ZNF609: variants seen among roughly 807,000 people sequenced by gnomAD.
The protein encoded by ZNF609 is zinc finger protein 609.
In ZNF609, 11 loss-of-function variants were observed where a neutral mutation model predicts 109.5. The observed-to-expected ratio is 0.10, with a 90% CI of 0.06 to 0.17. The LOEUF (loss-of-function observed/expected upper bound fraction) is 0.17, where lower values mean the gene tolerates loss of function less well. Ranked by LOEUF, ZNF609 falls within the 10% of genes least tolerant of loss-of-function variation. The pLI is 1.00. For missense variants in ZNF609, 1,559 were observed against 1,772.4 expected (o/e 0.88, Z 2.16); for synonymous variants, 646 against 662.0 (o/e 0.98, Z 0.37).
chr15:64,555,721 A>G, intron 2 of ZNF609, among the ~76,000 whole-genome samples: 1 of 151,958 alleles, frequency 6.6e-6, no homozygotes. Flanking sequence ...GTCTCTACTA[A>G]GAATACAAAA....
chr15:64,479,355 A>C (rs1304358783), intron 1 of ZNF609, among the ~76,000 whole-genome samples: 2 of 130,588 alleles, frequency 1.5e-5, no homozygotes, highest in African/African-American at 3.0e-5. Context: ...GCAGTGGCGC[A>C]ATCTCGGCTC....
upstream of ZNF609, among the ~76,000 whole-genome samples, chr15:64,460,275 A>G (rs934574672): frequency 2.6e-5 from 4 of 152,096 alleles, no homozygotes; most frequent in Middle Eastern, 3.2e-3. Flanking sequence ...CCTCTCTATG[A>G]GGAAGTCTGA....
At chr15:64,569,288 A>G (rs981754477) in intron 2 of ZNF609, among the ~76,000 whole-genome samples, 1 of 152,152 alleles carries the variant, frequency 6.6e-6, no homozygotes, top group South Asian at 2.1e-4. Context: ...CTCCTCTATT[A>G]TATAAGAGTA....
chr15:64,676,892 T>C (rs1896817746), intron 5 of ZNF609, among the ~76,000 whole-genome samples: 1 of 151,928 alleles, frequency 6.6e-6, no homozygotes, highest in Non-Finnish European at 1.5e-5. Flanking sequence ...TAGCTGGGAT[T>C]ACAGGTGCAC....
chr15:64,489,407 C>G (rs1435649820), intron 1 of ZNF609, among the ~76,000 whole-genome samples: 1 of 151,720 alleles, frequency 6.6e-6, no homozygotes, highest in East Asian at 1.9e-4. Flanking sequence ...GTCTTGAACT[C>G]CTGACCTTGT....
chr15:64,601,954 G>A (rs745951997), intron 2 of ZNF609, among the ~76,000 whole-genome samples: 28 of 152,260 alleles, frequency 1.8e-4, no homozygotes, highest in Middle Eastern at 6.8e-3. Flanking sequence ...TAATAACTAG[G>A]TAATTGCAGG....
chr15:64,547,733 G>T (rs1301670815), intron 2 of ZNF609, among the ~76,000 whole-genome samples: 1 of 151,528 alleles, frequency 6.6e-6, no homozygotes. Context: ...ATACATCAGT[G>T]AACAAAACAG....
At chr15:64,615,034 G>A (rs941938887) in intron 2 of ZNF609, among the ~76,000 whole-genome samples, 3 of 151,956 alleles carry the variant, frequency 2.0e-5, no homozygotes, top group Non-Finnish European at 4.4e-5. Context: ...GGCCAGGCTC[G>A]TCTCAAACTC....
intron 2 of ZNF609, among the ~76,000 whole-genome samples, chr15:64,554,885 T>A (rs997974298): frequency 2.7e-5 from 4 of 150,896 alleles, no homozygotes; most frequent in South Asian, 2.1e-4. Context: ...TCACCTGAGG[T>A]CAGGAGTTCA....
intron 3 of ZNF609, among the ~76,000 whole-genome samples, chr15:64,666,903 C>T (rs981827204): frequency 4.6e-5 from 7 of 151,762 alleles, no homozygotes; most frequent in South Asian, 2.1e-4. Context: ...CCGAGGCGGG[C>T]GGATCATGAG....
At chr15:64,604,038 AC>A (rs967425449) in intron 2 of ZNF609, among the ~76,000 whole-genome samples, 1 of 148,728 alleles carries the variant, frequency 6.7e-6, no homozygotes, top group Admixed American at 6.7e-5. Context: ...CTGAAATGTC[AC>A]CTGCCTCTCC....
At chr15:64,553,301 A>G (rs1014249329) in intron 2 of ZNF609, among the ~76,000 whole-genome samples, 6 of 150,588 alleles carry the variant, frequency 4.0e-5, no homozygotes, top group African/African-American at 9.8e-5. Flanking sequence ...TGGGACTTTA[A>G]TTGGAATTGC....
chr15:64,633,871 A>C (rs1182759643), intron 3 of ZNF609, among the ~76,000 whole-genome samples: 1 of 150,656 alleles, frequency 6.6e-6, no homozygotes, highest in African/African-American at 2.4e-5. Flanking sequence ...ACAGAGTGAG[A>C]CTCCATCTCA....
chr15:64,469,404 C>T (rs1007596795), intron 1 of ZNF609, among the ~76,000 whole-genome samples: 2 of 129,418 alleles, frequency 1.5e-5, no homozygotes, highest in Non-Finnish European at 3.1e-5. Flanking sequence ...AGCCTTCACT[C>T]GCACAGAGCA....
chr15:64,591,724 AT>A (rs771812223), intron 2 of ZNF609, among the ~76,000 whole-genome samples: 262 of 142,440 alleles, frequency 1.8e-3, no homozygotes, highest in South Asian at 1.6e-3. Context: ...ACTAAAAATA[AT>A]TTTTTTTTTT....
At chr15:64,598,589 T>G (rs1895437566) in intron 2 of ZNF609, among the ~76,000 whole-genome samples, 1 of 151,556 alleles carries the variant, frequency 6.6e-6, no homozygotes, top group South Asian at 2.1e-4. Context: ...TTCCTTTAAT[T>G]CACTAAAAAA....
At chr15:64,471,916 G>GTTTTT (rs898245284) in intron 1 of ZNF609, among the ~76,000 whole-genome samples, 1 of 148,076 alleles carries the variant, frequency 6.8e-6, no homozygotes, top group Non-Finnish European at 1.5e-5. Flanking sequence ...TTTTGTTTTT[G>GTTTTT]TTTTGTTTGT....
intron 2 of ZNF609, among the ~76,000 whole-genome samples, chr15:64,527,549 T>C (rs1415837055): frequency 1.6e-4 from 25 of 152,180 alleles, no homozygotes; most frequent in Non-Finnish European, 2.9e-4. Context: ...CTTTACTAAA[T>C]TTGACCATGA....
At chr15:64,514,519 A>G (rs1024313684) in intron 2 of ZNF609, among the ~76,000 whole-genome samples, 1 of 152,168 alleles carries the variant, frequency 6.6e-6, no homozygotes, top group African/African-American at 2.4e-5. Flanking sequence ...TCTTACCAAC[A>G]TAAATATTTC....
Sources: allele counts gnomAD v4.1 joint callset (sites outside exome capture counted in the v4.1 genomes callset), GRCh38; gene constraint gnomAD v4.1.1; transcripts MANE v1.5; gene names NCBI Gene and HGNC (gene_info 2026-07-23, HGNC 2026-07-21).